INTS4: variants seen among roughly 807,000 people sequenced by gnomAD.
INTS4 encodes integrator complex subunit 4, also known as MSTP093.
INTS4 carries 70 observed loss-of-function variants against 119.5 expected under a neutral mutation model. The observed-to-expected ratio is 0.59, with a 90% CI of 0.48 to 0.71. The LOEUF (loss-of-function observed/expected upper bound fraction) is 0.71, where lower values mean the gene tolerates loss of function less well. Among genes scored for constraint, INTS4 ranks in the 30% least tolerant of loss-of-function variants. INTS4 has a pLI of 0.00. For missense variants in INTS4, 867 were observed against 1,173.2 expected (o/e 0.74, Z 3.81); for synonymous variants, 316 against 419.6 (o/e 0.75, Z 3.02).
intron 8 of INTS4, among the ~76,000 whole-genome samples, chr11:77,950,947 C>T (rs1360200617): frequency 1.4e-5 from 2 of 147,036 alleles, no homozygotes; most frequent in African/African-American, 5.0e-5. Flanking sequence ...TGTTCAATTC[C>T]CACCTATGAG....
intron 22 of INTS4, 131 bp from the exon 23 acceptor site, chr11:77,879,258 C>G (rs1029912809): frequency 1.1e-6 from 1 of 908,998 alleles, no homozygotes; most frequent in Non-Finnish European, 1.6e-6. Flanking sequence ...ATTCCCTCCC[C>G]TTACCCTCAC....
intron 2 of INTS4, among the ~76,000 whole-genome samples, chr11:77,981,924 C>A (rs1478120838): frequency 6.6e-6 from 1 of 151,928 alleles, no homozygotes; most frequent in Non-Finnish European, 1.5e-5. Context: ...CTATGCCATT[C>A]TGATGTCATT....
At chr11:77,963,651 A>G (rs1278566653) in intron 4 of INTS4, among the ~76,000 whole-genome samples, 1 of 152,174 alleles carries the variant, frequency 6.6e-6, no homozygotes, top group Admixed American at 6.5e-5. Context: ...AATAAGATAA[A>G]AATAACATAC....
chr11:77,941,451 T>A (rs1202324965), intron 8 of INTS4, among the ~76,000 whole-genome samples, 200 bp from the exon 9 acceptor site: 5 of 131,656 alleles, frequency 3.8e-5, no homozygotes, highest in Non-Finnish European at 7.8e-5. Flanking sequence ...ATGTGTCACC[T>A]ACTGTGCTTT....
At chr11:77,881,832 A>T (rs1239442313) in intron 22 of INTS4, among the ~76,000 whole-genome samples, 1 of 152,160 alleles carries the variant, frequency 6.6e-6, no homozygotes, top group Non-Finnish European at 1.5e-5. Context: ...CTATATATAA[A>T]CAATTAAAAC....
At chr11:77,978,725 T>C (rs921158505) in intron 4 of INTS4, 4 of 194,310 alleles carry the variant, frequency 2.1e-5, no homozygotes, top group Non-Finnish European at 3.2e-5. Flanking sequence ...ACTTGAAGGA[T>C]TGTGAGGACC....
chr11:77,940,561 G>A (rs1298467131), intron 9 of INTS4, among the ~76,000 whole-genome samples: 3 of 152,190 alleles, frequency 2.0e-5, no homozygotes, highest in Admixed American at 6.5e-5. Flanking sequence ...CTCACAAAAT[G>A]AGAATGGGCC....
downstream of INTS4, among the ~76,000 whole-genome samples, chr11:77,876,231 C>G (rs1045420449): frequency 6.6e-6 from 1 of 152,092 alleles, no homozygotes; most frequent in African/African-American, 2.4e-5. Context: ...AGACCACTCA[C>G]TAAGAACAGA....
At chr11:77,954,619 G>GA in intron 8 of INTS4, among the ~76,000 whole-genome samples, 1 of 152,224 alleles carries the variant, frequency 6.6e-6, no homozygotes, top group Non-Finnish European at 1.5e-5. Flanking sequence ...ATTTTAGGAT[G>GA]AAACTGTTCC....
intron 10 of INTS4, among the ~76,000 whole-genome samples, chr11:77,934,151 G>A (rs1953734332): frequency 6.6e-6 from 1 of 151,850 alleles, no homozygotes; most frequent in African/African-American, 2.4e-5. Flanking sequence ...TGGATTAAGG[G>A]CGGTGCAAGA....
intron 4 of INTS4, chr11:77,978,382 G>A (rs1856041528): frequency 6.6e-6 from 1 of 152,240 alleles, no homozygotes; most frequent in African/African-American, 2.4e-5. Context: ...AAGATCCAAA[G>A]TAAAATCAAT....
At chr11:77,959,809 T>C (rs1053438162) in intron 6 of INTS4, among the ~76,000 whole-genome samples, 1 of 152,174 alleles carries the variant, frequency 6.6e-6, no homozygotes, top group Non-Finnish European at 1.5e-5. Context: ...TTTTACCAGA[T>C]TCAGTCAATT....
In INTS4 at chr11:77,972,182, T is replaced by C. The variant is rs1423946537; in HGVS notation, c.471+6814A>G. 2.6e-5 allele frequency among the ~76,000 whole-genome samples: 4 copies of C among 152,286 alleles called. No homozygotes were observed. The East Asian group carries it at 7.7e-4, about 29-fold the overall frequency. ...GCGCAGTCTCGGCTCACTGGCAGCC[T>C]CAACCTCCCAGGCTTAAGCAATCCT... On this transcript the variant is annotated intron_variant, in intron 4 of 22. Coordinates refer to ENST00000534064, the MANE Select transcript of INTS4 (RefSeq NM_033547.4).
At chr11:77,961,660 C>A (rs549521590) in intron 4 of INTS4, among the ~76,000 whole-genome samples, 1 of 152,106 alleles carries the variant, frequency 6.6e-6, no homozygotes, top group African/African-American at 2.4e-5. Flanking sequence ...ACATCACCAC[C>A]AAAAATAGCT....
Position 77,883,957 on chromosome 11 carries a change from A to G in INTS4, c.2593-5T>C. 1 of 1,612,180 alleles carries G rather than the reference A, an allele frequency of 6.2e-7. No homozygotes were observed. Among genetic ancestry groups the G allele is most frequent in the Non-Finnish European group, 8.5e-7 (1 of 1,178,972 alleles). ...CTGGCCATCTGGATATAAGACCTAA[A>G]GGGTGACAGAAATGAGAAAAAGGCA... On this transcript the variant is annotated splice_region_variant and splice_polypyrimidine_tract_variant and intron_variant, in intron 21 of 22. Transcript: ENST00000534064.
chr11:77,916,882 T>G (rs775054839), intron 15 of INTS4, among the ~76,000 whole-genome samples: 8 of 152,240 alleles, frequency 5.3e-5, no homozygotes, highest in Non-Finnish European at 8.8e-5. Context: ...GTGAGTACCT[T>G]AAGAACAAAT....
intron 8 of INTS4, among the ~76,000 whole-genome samples, chr11:77,948,921 G>A (rs1591094446): frequency 6.6e-6 from 1 of 152,114 alleles, no homozygotes; most frequent in Non-Finnish European, 1.5e-5. Flanking sequence ...TGCAACAAAA[G>A]CAGTTCTAAG....
At chr11:77,969,274 C>A (rs987602406) in intron 4 of INTS4, among the ~76,000 whole-genome samples, 1 of 152,112 alleles carries the variant, frequency 6.6e-6, no homozygotes, top group African/African-American at 2.4e-5. Flanking sequence ...AGATATAATA[C>A]ACATACCATG....
intron 22 of INTS4, among the ~76,000 whole-genome samples, chr11:77,879,642 T>G (rs1166493435): frequency 2.0e-5 from 3 of 152,182 alleles, no homozygotes; most frequent in African/African-American, 7.2e-5. Context: ...GGACCTAAAA[T>G]GTCTGAAAAC....
Sources: gnomAD v4.1 joint callset for allele counts (sites outside exome capture counted in the v4.1 genomes callset) on GRCh38, gnomAD v4.1.1 for gene constraint, MANE v1.5 for transcripts, NCBI Gene and HGNC (gene_info 2026-07-23, HGNC 2026-07-21) for gene names.